The following DOCK10 variants were observed in gnomAD, a reference collection of about 807,000 sequenced individuals.
DOCK10 encodes the protein dedicator of cytokinesis 10, also known as dedicator of cytokinesis protein 10.
In DOCK10, 145 loss-of-function variants were observed where a neutral mutation model predicts 280.1. The observed-to-expected ratio is 0.52, with a 90% confidence interval of 0.45 to 0.59. DOCK10 has a LOEUF of 0.59. DOCK10 is among the 20% of genes least tolerant of loss of function. DOCK10 has a pLI of 0.00. For synonymous variants in DOCK10, 915 were observed against 942.2 expected (o/e 0.97, Z 0.53); for missense variants, 2,368 against 2,651.7 (o/e 0.89, Z 2.35).
chr2:224,900,263 T>C (rs1368647630), intron 3 of DOCK10, among the ~76,000 whole-genome samples: 1 of 152,110 alleles, frequency 6.6e-6, no homozygotes, highest in South Asian at 2.1e-4. Flanking sequence ...TTTCTTATAT[T>C]AGTATGATAC....
chr2:224,831,456 C>T (rs555119556), intron 26 of DOCK10, among the ~76,000 whole-genome samples: 119 of 152,312 alleles, frequency 7.8e-4, no homozygotes, highest in Non-Finnish European at 1.5e-3. Flanking sequence ...CAGGGCCTGG[C>T]CTGCCCCTTT....
At chr2:224,875,140 A>C (rs2125690696) in intron 8 of DOCK10, among the ~76,000 whole-genome samples, 1 of 152,332 alleles carries the variant, frequency 6.6e-6, no homozygotes, top group African/African-American at 2.4e-5. Context: ...TCAGCTACTT[A>C]AACTCTGTAA....
At chr2:224,887,529 C>A (rs747300921) in intron 4 of DOCK10, among the ~76,000 whole-genome samples, 4 of 152,176 alleles carry the variant, frequency 2.6e-5, no homozygotes, top group Non-Finnish European at 5.9e-5. Flanking sequence ...GATTCTATCT[C>A]ATAACTAATG....
intron 1 of DOCK10, among the ~76,000 whole-genome samples, chr2:225,014,081 A>ATATATATTT (rs776104946): frequency 8.0e-4 from 77 of 96,812 alleles, no homozygotes; most frequent in Middle Eastern, 6.8e-3. Flanking sequence ...GTCTGAATAT[A>ATATATATTT]TTGTTTTTTT....
At chr2:224,893,747 G>A in intron 4 of DOCK10, 1 of 335,584 alleles carries the variant, frequency 3.0e-6, no homozygotes, top group South Asian at 2.4e-5. Context: ...TTCTATAATT[G>A]CAAATTTTCA....
intron 4 of DOCK10, among the ~76,000 whole-genome samples, chr2:224,886,884 C>A (rs917669091): frequency 7.2e-6 from 1 of 139,456 alleles, no homozygotes; most frequent in Admixed American, 6.8e-5. Flanking sequence ...GCAGCACCCC[C>A]AACACCCCCC....
chr2:224,949,795 T>C (rs1004949497), intron 1 of DOCK10, among the ~76,000 whole-genome samples: 87 of 152,214 alleles, frequency 5.7e-4, no homozygotes, highest in African/African-American at 2.0e-3. Context: ...CACTACCTTA[T>C]AGGTTTGTGG....
chr2:225,029,204 C>T (rs757748613), intron 1 of DOCK10, among the ~76,000 whole-genome samples: 3 of 152,122 alleles, frequency 2.0e-5, no homozygotes, highest in African/African-American at 4.8e-5. Context: ...TGGAATCTTG[C>T]CCTGTTGCCC....
chr2:225,011,232 C>A (rs1167345092), intron 1 of DOCK10, among the ~76,000 whole-genome samples: 2 of 152,160 alleles, frequency 1.3e-5, no homozygotes, highest in African/African-American at 4.8e-5. Context: ...GCAGTAGTTG[C>A]CAGAAAGGAC....
Position 225,042,307 on chromosome 2 carries a change from C to T in DOCK10, c.68G>A (p.Arg23Gln), listed in dbSNP as rs770567184. The T allele has an allele frequency of 2.2e-6, 3 of 1,355,188 alleles. No homozygotes were observed. Among genetic ancestry groups the T allele is most frequent in the South Asian group, 1.8e-5 (1 of 55,764 alleles). 83.9% of individuals were successfully genotyped at this position (1,355,188 alleles called of 1,614,324 possible). The change falls in exon 1 of 56, where the codon CGG becomes CAG. Residue 23 changes from arginine (R) to glutamine (Q), a missense_variant. Coordinates refer to ENST00000258390, the MANE Select transcript of DOCK10 (RefSeq NM_014689.3). This position sits in a 1 kb window ranked among gnomAD's most constrained non-coding sequence, Gnocchi z 5.1. Reference sequence around the variant, plus strand: ...CGCGGCGGCGGACGCGGCGCTGTGCCGGAGCTCGGCCGCCTGCCCAGGTCT... The same window carrying T: ...CGCGGCGGCGGACGCGGCGCTGTGCTGGAGCTCGGCCGCCTGCCCAGGTCT... The part of the protein sequence containing the change: ...LLRPGQAAEL[R>Q]HSAASAAAVA...
intron 16 of DOCK10, 108 bp downstream of exon 16, chr2:224,854,855 C>T (rs1696997983): frequency 4.1e-6 from 1 of 244,724 alleles, no homozygotes; most frequent in Non-Finnish European, 7.1e-6. Context: ...AACCAACTAG[C>T]CAACCAACCA....
intron 1 of DOCK10, among the ~76,000 whole-genome samples, chr2:224,980,082 A>G (rs1705668421): frequency 6.6e-6 from 1 of 152,238 alleles, no homozygotes; most frequent in African/African-American, 2.4e-5. Context: ...CGATTAGCCA[A>G]TATAAGAACA....
intron 1 of DOCK10, among the ~76,000 whole-genome samples, chr2:224,961,099 C>T (rs189853905): frequency 3.9e-5 from 6 of 152,296 alleles, no homozygotes; most frequent in Non-Finnish European, 7.4e-5. Context: ...CAGCAACCTT[C>T]CTTGTGAAAG....
chr2:225,024,235 T>C (rs1052126278), intron 1 of DOCK10, among the ~76,000 whole-genome samples: 6 of 152,132 alleles, frequency 3.9e-5, no homozygotes, highest in East Asian at 1.9e-4. Context: ...AAAAAAACAA[T>C]AGTGGGTTAA....
intron 51 of DOCK10, among the ~76,000 whole-genome samples, chr2:224,777,319 C>T (rs900360003): frequency 8.5e-5 from 13 of 152,082 alleles, no homozygotes; most frequent in Admixed American, 7.2e-4. Context: ...GTGAGGGTGT[C>T]GCTAAAGGAG....
chr2:224,961,418 C>CTTTCTTTG (rs1270804806), intron 1 of DOCK10, among the ~76,000 whole-genome samples: 1 of 100,194 alleles, frequency 1.0e-5, no homozygotes, highest in Non-Finnish European at 2.0e-5. Flanking sequence ...CTTTCTCTTT[C>CTTTCTTTG]TTTCTTTCTT....
intron 27 of DOCK10, among the ~76,000 whole-genome samples, chr2:224,824,662 G>A (rs1694728136): frequency 1.3e-5 from 2 of 151,872 alleles, no homozygotes; most frequent in African/African-American, 4.8e-5. Context: ...TTGAACTCCT[G>A]ACCTCAAGTG....
At chr2:224,946,844 T>C (rs1335691995) in intron 1 of DOCK10, 2 of 1,532,146 alleles carry the variant, frequency 1.3e-6, no homozygotes, top group African/African-American at 1.4e-5. Flanking sequence ...TTTGGATACC[T>C]ACAGAACTAA....
At chr2:224,911,456 A>C (rs1701007240) in intron 3 of DOCK10, among the ~76,000 whole-genome samples, 1 of 152,204 alleles carries the variant, frequency 6.6e-6, no homozygotes, top group Non-Finnish European at 1.5e-5. Flanking sequence ...GTATGGATCC[A>C]CTTATCTGCT....
Sources: allele counts gnomAD v4.1 joint callset (sites outside exome capture counted in the v4.1 genomes callset), GRCh38; gene constraint gnomAD v4.1.1; non-coding constraint Gnocchi (gnomAD v3.1); transcripts MANE v1.5; gene names NCBI Gene and HGNC (gene_info 2026-07-23, HGNC 2026-07-21).